The following CNTN5 variants were observed in gnomAD, a reference collection of about 807,000 sequenced individuals.
The protein encoded by CNTN5 is contactin-5.
In CNTN5, 77 loss-of-function variants were observed where a neutral mutation model predicts 129.1. That is an observed-to-expected ratio of 0.60 (90% CI 0.50 to 0.72). The LOEUF is 0.72. Among genes scored for constraint, CNTN5 ranks in the 30% least tolerant of loss-of-function variants. The pLI, the probability that CNTN5 is intolerant of heterozygous loss-of-function variation, is 0.00. For synonymous variants in CNTN5, 509 were observed against 465.6 expected (o/e 1.09, Z -1.20); for missense variants, 1,478 against 1,328.8 (o/e 1.11, Z -1.75).
chr11:99,649,161 T>C (rs1952068984), intron 3 of CNTN5, among the ~76,000 whole-genome samples: 1 of 149,538 alleles, frequency 6.7e-6, no homozygotes, highest in Non-Finnish European at 1.5e-5. Context: ...GCCCCATAAA[T>C]AGAAACAATT....
chr11:99,584,852 G>A (rs1254245416), intron 3 of CNTN5, among the ~76,000 whole-genome samples: 2 of 152,210 alleles, frequency 1.3e-5, no homozygotes, highest in Non-Finnish European at 2.9e-5. Flanking sequence ...CAGACAAACT[G>A]TTATTCAGGC....
At chr11:100,220,906 C>A (rs1949249710) in intron 15 of CNTN5, among the ~76,000 whole-genome samples, 1 of 152,174 alleles carries the variant, frequency 6.6e-6, no homozygotes, top group Non-Finnish European at 1.5e-5. Flanking sequence ...GCAGCAGGGC[C>A]AGAGGTATTG....
intron 9 of CNTN5, among the ~76,000 whole-genome samples, chr11:100,040,726 T>C (rs968684669): frequency 6.6e-6 from 1 of 152,200 alleles, no homozygotes; most frequent in African/African-American, 2.4e-5. Flanking sequence ...GATCTTGGAC[T>C]GCTGTGCTAG....
At chr11:99,755,405 AGATT>A (rs1256688226) in intron 3 of CNTN5, among the ~76,000 whole-genome samples, 1 of 152,138 alleles carries the variant, frequency 6.6e-6, no homozygotes, top group Non-Finnish European at 1.5e-5. Context: ...TCAGTGTTCT[AGATT>A]TTGGGCATTG....
intron 9 of CNTN5, among the ~76,000 whole-genome samples, chr11:100,045,929 C>G (rs1942644437): frequency 6.6e-6 from 1 of 152,138 alleles, no homozygotes; most frequent in African/African-American, 2.4e-5. Flanking sequence ...ACATCAAACA[C>G]TTTTTTTCCT....
intron 3 of CNTN5, among the ~76,000 whole-genome samples, chr11:99,570,145 A>G (rs906132956): frequency 2.6e-5 from 4 of 151,752 alleles, no homozygotes; most frequent in Non-Finnish European, 5.9e-5. Flanking sequence ...AAAAAAAAAA[A>G]AAGAAGAAAA....
intron 2 of CNTN5, among the ~76,000 whole-genome samples, chr11:99,487,334 T>C (rs1945857157): frequency 6.6e-6 from 1 of 152,208 alleles, no homozygotes. Flanking sequence ...GATGAATTCC[T>C]AGGAACCATG....
chr11:99,186,356 A>G lies in CNTN5; in HGVS notation c.-209-138990A>G, dbSNP rs184476717. On this transcript the variant is annotated intron_variant, in intron 1 of 24. Transcript: ENST00000524871. Reference sequence around the variant, plus strand: ...TTGCAGTAATGTTCACTGACATTCTAAAGTTTTTATATCAGCTCTGCTTTT... The same window carrying G: ...TTGCAGTAATGTTCACTGACATTCTGAAGTTTTTATATCAGCTCTGCTTTT... Among the ~76,000 whole-genome samples the G allele has an allele frequency of 5.3e-3, 813 of 152,084 alleles. 4 individuals carry two copies. The highest frequency in any genetic ancestry group is 8.2e-3 in the Non-Finnish European group (558 of 67,880).
At chr11:99,751,426 C>T (rs1052794248) in intron 3 of CNTN5, among the ~76,000 whole-genome samples, 5 of 151,948 alleles carry the variant, frequency 3.3e-5, no homozygotes, top group African/African-American at 1.2e-4. Flanking sequence ...TTCCCAGTCC[C>T]CAAAAGAGAG....
intron 8 of CNTN5, among the ~76,000 whole-genome samples, chr11:99,991,575 GA>G (rs1488467449): frequency 6.6e-6 from 1 of 152,218 alleles, no homozygotes; most frequent in Non-Finnish European, 1.5e-5. Flanking sequence ...TTAATTTCAT[GA>G]GAGAATGGCA....
chr11:99,300,196 A>G (rs73000273), intron 1 of CNTN5, among the ~76,000 whole-genome samples: 3 of 151,846 alleles, frequency 2.0e-5, no homozygotes, highest in African/African-American at 7.3e-5. Context: ...GCCTTGTTCC[A>G]CTTCTTAGGG....
intron 3 of CNTN5, among the ~76,000 whole-genome samples, chr11:99,574,741 A>G (rs1017163737): frequency 6.6e-6 from 1 of 150,558 alleles, no homozygotes; most frequent in African/African-American, 2.4e-5. Flanking sequence ...TTCTTTGCCC[A>G]CTTTTTGATG....
intron 3 of CNTN5, among the ~76,000 whole-genome samples, chr11:99,764,735 T>A (rs991103791): frequency 6.6e-6 from 1 of 152,170 alleles, no homozygotes; most frequent in Non-Finnish European, 1.5e-5. Flanking sequence ...CAACATCTCA[T>A]TTAACGTATA....
At chr11:100,091,427 T>G (rs1360782559) in intron 13 of CNTN5, among the ~76,000 whole-genome samples, 44 of 60,948 alleles carry the variant, frequency 7.2e-4, no homozygotes, top group Non-Finnish European at 1.1e-3. Flanking sequence ...ATTTATTCTT[T>G]TTTTTTTTTT....
At chr11:99,429,627 C>A (rs1221454592) in intron 2 of CNTN5, among the ~76,000 whole-genome samples, 1 of 151,780 alleles carries the variant, frequency 6.6e-6, no homozygotes, top group Admixed American at 6.6e-5. Context: ...TTAAGGAGTA[C>A]AATTTTACTT....
chr11:99,376,949 A>G (rs1447905281), intron 2 of CNTN5, among the ~76,000 whole-genome samples: 1 of 152,090 alleles, frequency 6.6e-6, no homozygotes, highest in Admixed American at 6.6e-5. Context: ...GAGACAATAC[A>G]CCATTGTGAT....
At chr11:99,995,940 G>A (rs374571331) in intron 8 of CNTN5, among the ~76,000 whole-genome samples, 8 of 152,112 alleles carry the variant, frequency 5.3e-5, no homozygotes, top group Non-Finnish European at 8.8e-5. Context: ...CCCCTGTCTA[G>A]AACTCATCCT....
intron 15 of CNTN5, among the ~76,000 whole-genome samples, chr11:100,195,339 C>G (rs1431142802): frequency 6.6e-6 from 1 of 151,860 alleles, no homozygotes; most frequent in East Asian, 1.9e-4. Context: ...ATGAATGTAC[C>G]TGGTGAAGTT....
chr11:99,819,039 G>A (rs1274832641), intron 3 of CNTN5, among the ~76,000 whole-genome samples: 1 of 151,926 alleles, frequency 6.6e-6, no homozygotes. Flanking sequence ...AGTAAATGAA[G>A]TTCCTATCTA....
Sources: gnomAD v4.1 joint callset for allele counts (sites outside exome capture counted in the v4.1 genomes callset) on GRCh38, gnomAD v4.1.1 for gene constraint, MANE v1.5 for transcripts, NCBI Gene and HGNC (gene_info 2026-07-23, HGNC 2026-07-21) for gene names.